The following SERINC5 variants were observed in gnomAD, a reference collection of about 807,000 sequenced individuals.
SERINC5 encodes serine incorporator 5, also known as chromosome 5 open reading frame 12.
A neutral mutation model predicts 63.1 loss-of-function variants in SERINC5; 41 were observed. The observed-to-expected ratio is 0.65, with a 90% CI of 0.51 to 0.84. The LOEUF is 0.84. Ranked by LOEUF, SERINC5 falls within the 40% of genes least tolerant of loss-of-function variation. The pLI, the probability that SERINC5 is intolerant of heterozygous loss-of-function variation, is 0.00. For synonymous variants in SERINC5, 222 were observed against 215.2 expected (o/e 1.03, Z -0.28); for missense variants, 523 against 573.0 (o/e 0.91, Z 0.89).
At chr5:80,226,949 G>A (rs1481175814) in intron 1 of SERINC5, among the ~76,000 whole-genome samples, 8 of 152,170 alleles carry the variant, frequency 5.3e-5, no homozygotes, top group Non-Finnish European at 1.2e-4. Flanking sequence ...GAGCTGGAGT[G>A]CAGTGGCATG....
chr5:80,175,999 T>C (rs1198108535), intron 4 of SERINC5, among the ~76,000 whole-genome samples: 1 of 150,924 alleles, frequency 6.6e-6, no homozygotes, highest in Non-Finnish European at 1.5e-5. Context: ...GCCAATATGG[T>C]GAAACCCCGT....
rs34503587 is a variant in SERINC5, at chr5:80,221,792, C to CAAA, written c.28-18742_28-18740dup. ...ACATTAAAAAGCAAGACAACTTTAG[C>CAAA]AAAAAAAAAAAAAATCAATGAACAT... On this transcript the variant is annotated intron_variant, in intron 1 of 11. Coordinates refer to ENST00000507668, the MANE Select transcript of SERINC5 (RefSeq NM_001174072.3). Among the ~76,000 whole-genome samples, 11 of 137,324 alleles carry CAAA rather than the reference C, an allele frequency of 8.0e-5. No homozygotes were observed. The East Asian group carries it at 8.4e-4, about 11-fold the overall frequency. The allele number at this position is 137,324 out of a possible 152,430, so 90.1% of individuals were successfully genotyped here.
intron 1 of SERINC5, 67 bp downstream of exon 1, chr5:80,255,829 C>T: frequency 6.5e-7 from 1 of 1,533,666 alleles, no homozygotes; most frequent in South Asian, 1.2e-5. Flanking sequence ...GGCAGGTCCT[C>T]CACGCCTGGA....
chr5:80,116,289 C>G (rs558982131), intron 11 of SERINC5: 102 of 456,076 alleles, frequency 2.2e-4, no homozygotes, highest in South Asian at 1.5e-3. Context: ...AAAGGGTATT[C>G]TTAAGAGGCC....
chr5:80,140,927 T>A lies in SERINC5; in HGVS notation c.*2736A>T. The A allele has an allele frequency of 1.1e-5, 11 of 985,256 alleles. No individual in the cohort carries two copies. Among genetic ancestry groups the A allele is most frequent in the Non-Finnish European group, 1.1e-5 (9 of 829,830 alleles). The allele number at this position is 985,256 out of a possible 1,614,324, so 61.0% of individuals were successfully genotyped here. A position where few individuals can be genotyped will look rare whatever the true frequency, so the allele number is the denominator to read the frequency against. ...TACAAAAAGGTGTAGGAAGCAAATGTCTATTATTTTTAAAAGATATCAGTG... is the reference window on the plus strand; with the variant it reads ...TACAAAAAGGTGTAGGAAGCAAATGACTATTATTTTTAAAAGATATCAGTG... On this transcript the variant is annotated 3_prime_UTR_variant, in exon 12 of 12. Transcript: ENST00000507668.
intron 1 of SERINC5, among the ~76,000 whole-genome samples, chr5:80,204,447 T>C (rs1162775996): frequency 1.3e-5 from 2 of 152,186 alleles, no homozygotes; most frequent in African/African-American, 4.8e-5. Flanking sequence ...ACCCAGGTCT[T>C]CTGTAGGTCG....
rs1335955135 is a variant in SERINC5 at position 80,166,424 on chromosome 5, T to A, written c.818A>T (p.Tyr273Phe). Residue 273 changes from tyrosine to phenylalanine, a missense_variant, in exon 7 of 12, where the codon TAC (tyrosine) becomes TTC (phenylalanine). By Grantham distance (22) the Tyr-to-Phe change is conservative. Coordinates refer to ENST00000507668, the MANE Select transcript of SERINC5 (RefSeq NM_001174072.3). ...QSGVISCYVT[Y>F]LTFSALSSKP... ...GCTGGACAGAGCTGAGAAGGTGAGGTAGGTGACATAGCAGCTTATGACCCC... is the reference window on the plus strand; with the variant it reads ...GCTGGACAGAGCTGAGAAGGTGAGGAAGGTGACATAGCAGCTTATGACCCC... 6.3e-7 allele frequency: 1 copy of A among 1,595,636 alleles called. No homozygotes were observed. Among genetic ancestry groups the A allele is most frequent in the Non-Finnish European group, 8.5e-7 (1 of 1,171,054 alleles).
intron 8 of SERINC5, chr5:80,157,004 T>TTC (rs1207113623): frequency 1.3e-5 from 2 of 150,432 alleles, no homozygotes; most frequent in Non-Finnish European, 3.0e-5. Context: ...TTTTTTTTTT[T>TTC]TTTTTTTGAA....
At chr5:80,206,429 C>T (rs1750166463) in intron 1 of SERINC5, among the ~76,000 whole-genome samples, 1 of 152,186 alleles carries the variant, frequency 6.6e-6, no homozygotes, top group African/African-American at 2.4e-5. Flanking sequence ...GTGTCATTCT[C>T]TACTGTTTCA....
chr5:80,221,793 A>G (rs1165514819), intron 1 of SERINC5, among the ~76,000 whole-genome samples: 2 of 37,630 alleles, frequency 5.3e-5, no homozygotes, highest in South Asian at 1.1e-3. Context: ...CAACTTTAGC[A>G]AAAAAAAAAA....
At chr5:80,155,444 G>A (rs1017445751) in intron 8 of SERINC5, among the ~76,000 whole-genome samples, 3 of 152,174 alleles carry the variant, frequency 2.0e-5, no homozygotes, top group East Asian at 3.9e-4. Context: ...GTGGTGGCAC[G>A]CGCCTATAAT....
In SERINC5 at chr5:80,154,627, AAAAT is replaced by A. The variant is rs373920107; in HGVS notation, c.987-3683_987-3680del. On this transcript the variant is annotated intron_variant, in intron 8 of 11. Transcript: ENST00000507668. ...CCATAAAGGCCCAGAATGTACCAAA[AAAAT>A]AAATATTCTTCCTTGATTTCCCAAC... is the stretch of plus-strand genomic sequence containing the variant. 5.2e-3 allele frequency among the ~76,000 whole-genome samples: 789 copies of A among 152,262 alleles called. 9 individuals carry two copies. The highest frequency in any genetic ancestry group is 0.018 in the African/African-American group (748 of 41,534).
chr5:80,179,422 A>G (rs1748276760), intron 2 of SERINC5, among the ~76,000 whole-genome samples: 1 of 152,192 alleles, frequency 6.6e-6, no homozygotes, highest in Admixed American at 6.5e-5. Flanking sequence ...AAAATCAATA[A>G]CCATTCTCAC....
At chr5:80,214,503 G>A (rs772585896) in intron 1 of SERINC5, among the ~76,000 whole-genome samples, 1 of 151,842 alleles carries the variant, frequency 6.6e-6, no homozygotes, top group Non-Finnish European at 1.5e-5. Flanking sequence ...CTACTTCAAT[G>A]TGATTGGAAG....
At chr5:80,146,069 C>T in intron 11 of SERINC5, 21 bp downstream of exon 11, 1 of 1,612,838 alleles carries the variant, frequency 6.2e-7, no homozygotes, top group Non-Finnish European at 8.5e-7. Context: ...TCAAAAATAC[C>T]TAAGCAAATG....
chr5:80,201,977 C>T (rs1276196795), intron 2 of SERINC5, among the ~76,000 whole-genome samples: 2 of 152,208 alleles, frequency 1.3e-5, no homozygotes, highest in Non-Finnish European at 2.9e-5. Context: ...TGGCTCACGC[C>T]TGTAATCCCA....
intron 1 of SERINC5, among the ~76,000 whole-genome samples, chr5:80,203,992 A>G (rs956182892): frequency 6.6e-6 from 1 of 152,138 alleles, no homozygotes; most frequent in African/African-American, 2.4e-5. Flanking sequence ...AACCCTAATC[A>G]ATGGGATTCA....
At chr5:80,230,343 C>A (rs1275955357) in intron 1 of SERINC5, among the ~76,000 whole-genome samples, 2 of 151,204 alleles carry the variant, frequency 1.3e-5, no homozygotes, top group Admixed American at 1.3e-4. Context: ...GTGGCATGCA[C>A]CAGCTACTCA....
At position 80,143,070 on chromosome 5, in the gene SERINC5, C is replaced by A; in HGVS notation, c.*593G>T. The A allele has an allele frequency of 3.0e-6, 3 of 985,290 alleles. No homozygotes were observed. The highest frequency in any genetic ancestry group is 3.6e-6 in the Non-Finnish European group (3 of 829,874). The allele number at this position is 985,290 out of a possible 1,614,324, so 61.0% of individuals were successfully genotyped here. The stretch of plus-strand genomic sequence containing the variant: ...AGAGAGTGAAGTCTGTGATTCCCAG[C>A]ATCACAACCTCAAAGGGAAACGTTT... On this transcript the variant is annotated 3_prime_UTR_variant, in exon 12 of 12. Coordinates refer to ENST00000507668, the MANE Select transcript of SERINC5 (RefSeq NM_001174072.3).
Sources: gnomAD v4.1 joint callset for allele counts (sites outside exome capture counted in the v4.1 genomes callset) on GRCh38, gnomAD v4.1.1 for gene constraint, MANE v1.5 for transcripts, NCBI Gene and HGNC (gene_info 2026-07-23, HGNC 2026-07-21) for gene names.